The following DOCK10 variants were observed in gnomAD, a reference collection of about 807,000 sequenced individuals.
The protein encoded by DOCK10 is dedicator of cytokinesis 10.
DOCK10 carries 145 observed loss-of-function variants against 280.1 expected under a neutral mutation model. The ratio of observed to expected loss-of-function variants is 0.52; its 90% CI spans 0.45 to 0.59. DOCK10 has a LOEUF of 0.59. DOCK10 is among the 20% of genes least tolerant of loss of function. The pLI is 0.00. For missense variants in DOCK10, 2,368 were observed against 2,651.7 expected (o/e 0.89, Z 2.35); for synonymous variants, 915 against 942.2 (o/e 0.97, Z 0.53).
rs777611859 is a variant in DOCK10, at chr2:224,916,770, G to A, written c.258C>T (p.Ser86=). The change falls in exon 3 of 56, where the codon TCC becomes TCT. Residue 86 remains serine (S), a synonymous_variant. Transcript: ENST00000258390. The part of the protein sequence containing the change: ...PSDDFSAATV[S]WDIRTLYSTV... ...TTGAGTACAACGTGCGGATATCCCA[G>A]GAAACTGTGGCTGCCTGAAACGAAC... 1 of 1,609,764 alleles carries A rather than the reference G, an allele frequency of 6.2e-7. No homozygotes were observed. The highest frequency in any genetic ancestry group is 1.1e-5 in the South Asian group (1 of 90,052).
intron 3 of DOCK10, among the ~76,000 whole-genome samples, chr2:224,909,941 T>G (rs566867982): frequency 6.6e-6 from 1 of 152,132 alleles, no homozygotes; most frequent in Non-Finnish European, 1.5e-5. Flanking sequence ...TCCATTAAAA[T>G]ATGATGTCAT....
intron 22 of DOCK10, 77 bp downstream of exon 22, chr2:224,844,676 C>T (rs1696211027): frequency 8.6e-6 from 8 of 929,554 alleles, no homozygotes; most frequent in Non-Finnish European, 1.4e-5. Context: ...TGATTAGTCT[C>T]ATCCTGTAAA....
At chr2:224,893,133 G>C (rs1208442914) in intron 4 of DOCK10, among the ~76,000 whole-genome samples, 1 of 152,138 alleles carries the variant, frequency 6.6e-6, no homozygotes, top group Non-Finnish European at 1.5e-5. Flanking sequence ...AGTGTGGGAT[G>C]CCTGAGTGCC....
At chr2:224,913,718 G>GTTTA (rs113890271) in intron 3 of DOCK10, among the ~76,000 whole-genome samples, 41,444 of 150,266 alleles carry the variant, frequency 0.28, 5,740 homozygotes, top group Admixed American at 0.29. Context: ...TTGTTTGTCT[G>GTTTA]TTTATTTATT....
At position 224,765,617 on chromosome 2, in the gene DOCK10, A is replaced by G; in HGVS notation, c.*104T>C. ...GCTAGCGAGGTAAACAAAAATATTAACACCATGAAAACTTCAAATAAATTA... is the reference window on the plus strand; with the variant it reads ...GCTAGCGAGGTAAACAAAAATATTAGCACCATGAAAACTTCAAATAAATTA... On this transcript the variant is annotated 3_prime_UTR_variant, in exon 56 of 56. Coordinates refer to ENST00000258390, the MANE Select transcript of DOCK10 (RefSeq NM_014689.3). The G allele has an allele frequency of 3.8e-6, 3 of 788,172 alleles. No individual in the cohort carries two copies. Among genetic ancestry groups the G allele is most frequent in the Non-Finnish European group, 5.9e-6 (3 of 508,812 alleles). The allele number at this position is 788,172 out of a possible 1,614,324, so 48.8% of individuals were successfully genotyped here. A position where few individuals can be genotyped will look rare whatever the true frequency, so the allele number is the denominator to read the frequency against.
At chr2:224,985,741 G>A (rs1165509392) in intron 1 of DOCK10, among the ~76,000 whole-genome samples, 1 of 152,068 alleles carries the variant, frequency 6.6e-6, no homozygotes, top group Non-Finnish European at 1.5e-5. Flanking sequence ...CCCAGCTGTA[G>A]ACTGCCCATC....
At chr2:224,962,751 A>G (rs1224297175) in intron 1 of DOCK10, among the ~76,000 whole-genome samples, 1 of 152,174 alleles carries the variant, frequency 6.6e-6, no homozygotes, top group East Asian at 1.9e-4. Flanking sequence ...CAGCAAAATC[A>G]TTTTCCACTC....
intron 4 of DOCK10, among the ~76,000 whole-genome samples, chr2:224,886,885 A>ACCCCC (rs1699320005): frequency 5.2e-5 from 6 of 116,106 alleles, no homozygotes; most frequent in African/African-American, 2.9e-4. Context: ...CAGCACCCCC[A>ACCCCC]ACACCCCCCC....
chr2:225,020,695 A>G (rs937231032), intron 1 of DOCK10, among the ~76,000 whole-genome samples: 1 of 152,234 alleles, frequency 6.6e-6, no homozygotes. Context: ...ACACAAGAAG[A>G]ATGAAACAAC....
intron 1 of DOCK10, among the ~76,000 whole-genome samples, chr2:224,963,463 C>T (rs1383669629): frequency 6.6e-6 from 1 of 152,178 alleles, no homozygotes; most frequent in East Asian, 1.9e-4. Flanking sequence ...CTAGAATGCC[C>T]TCTCCTTAAA....
Position 224,787,339 on chromosome 2 carries a change from T to C in DOCK10, c.5477A>G (p.Tyr1826Cys), listed in dbSNP as rs1691802756. The C allele has an allele frequency of 1.9e-6, 3 of 1,613,992 alleles. No homozygotes were observed. Among genetic ancestry groups the C allele is most frequent in the Non-Finnish European group, 2.5e-6 (3 of 1,179,864 alleles). Residue 1826 changes from tyrosine to cysteine, a missense_variant, in exon 49 of 56, where the codon TAT becomes TGT. This residue lies in a region of DOCK10 where 1,159 missense variants were observed against 1,400.8 expected (regional missense o/e 0.83). Transcript: ENST00000258390. ...CTTGTTGACATCAGCAATGAGTTCA[T>C]ATCGCTCAGACTTCCAGAGAAACTC... ...CVEFLWKSER[Y>C]ELIADVNKPI...
chr2:224,792,170 G>C (rs965395666), intron 47 of DOCK10, among the ~76,000 whole-genome samples: 1 of 152,088 alleles, frequency 6.6e-6, no homozygotes, highest in Non-Finnish European at 1.5e-5. Flanking sequence ...AAGGAAATCT[G>C]TACCATAAGC....
intron 11 of DOCK10, among the ~76,000 whole-genome samples, chr2:224,871,823 C>T (rs1162347209): frequency 6.6e-6 from 1 of 152,192 alleles, no homozygotes; most frequent in Non-Finnish European, 1.5e-5. Flanking sequence ...TCCTGAATTC[C>T]TCTGGAACAC....
chr2:224,837,182 C>T (rs1179153473), intron 25 of DOCK10, among the ~76,000 whole-genome samples: 1 of 152,120 alleles, frequency 6.6e-6, no homozygotes, highest in East Asian at 1.9e-4. Flanking sequence ...GGCATTAATC[C>T]ACAGGCCAAC....
chr2:224,842,115 C>G (rs1159386546), intron 22 of DOCK10, among the ~76,000 whole-genome samples: 4 of 152,178 alleles, frequency 2.6e-5, no homozygotes, highest in Non-Finnish European at 5.9e-5. Flanking sequence ...CTATTTCATT[C>G]TAAGAGGTTT....
chr2:224,769,473 G>A (rs1223271132), intron 55 of DOCK10, among the ~76,000 whole-genome samples: 1 of 152,216 alleles, frequency 6.6e-6, no homozygotes, highest in East Asian at 1.9e-4. Flanking sequence ...CAGTTTTTCT[G>A]TAGAGAACAC....
Position 224,802,977 on chromosome 2 carries a change from G to A in DOCK10, c.4269-937C>T, listed in dbSNP as rs371125144. Reference sequence around the variant, plus strand: ...AGACTTTGGCTTTCAATAGCCAGGGGAGCCTGGGTCATTCCTGAAGCTAGA... The same window carrying A: ...AGACTTTGGCTTTCAATAGCCAGGGAAGCCTGGGTCATTCCTGAAGCTAGA... On this transcript the variant is annotated intron_variant, in intron 39 of 55. Coordinates refer to ENST00000258390, the MANE Select transcript of DOCK10 (RefSeq NM_014689.3). Among the ~76,000 whole-genome samples, 3 of 152,238 alleles carry A rather than the reference G, an allele frequency of 2.0e-5. No homozygotes were observed. In the East Asian group the frequency reaches 5.8e-4, roughly 29 times the overall value.
chr2:224,971,090 C>T (rs796500273), intron 1 of DOCK10, among the ~76,000 whole-genome samples: 43 of 152,276 alleles, frequency 2.8e-4, no homozygotes, highest in African/African-American at 1.0e-3. Context: ...TTTCATCTTC[C>T]AGTGAGGCAG....
At chr2:224,773,949 A>G (rs1690641256) in intron 52 of DOCK10, among the ~76,000 whole-genome samples, 1 of 152,296 alleles carries the variant, frequency 6.6e-6, no homozygotes, top group East Asian at 1.9e-4. Context: ...ATTTCTAAAC[A>G]CTGAAAAGAT....
Sources: allele counts gnomAD v4.1 joint callset (sites outside exome capture counted in the v4.1 genomes callset), GRCh38; gene constraint gnomAD v4.1.1; regional missense constraint gnomAD v4.1.1; transcripts MANE v1.5; gene names NCBI Gene and HGNC (gene_info 2026-07-23, HGNC 2026-07-21).